PLCD1: variants seen among roughly 807,000 people sequenced by gnomAD.
PLCD1 encodes phospholipase C delta 1, also known as 1-phosphatidylinositol 4,5-bisphosphate phosphodiesterase delta-1.
Under a neutral mutation model 87.4 loss-of-function variants are expected in PLCD1, and 71 were observed. The observed-to-expected ratio is 0.81, with a 90% confidence interval of 0.67 to 0.99. The LOEUF is 0.99. Among genes scored for constraint, PLCD1 ranks in the 50% least tolerant of loss-of-function variants. The pLI is 0.00. For synonymous variants in PLCD1, 348 were observed against 399.2 expected, an observed-to-expected ratio of 0.87 and a Z score of 1.53; for missense variants, 867 against 1,001.5, an observed-to-expected ratio of 0.87 and a Z score of 1.81.
In PLCD1 at chr3:38,029,541, C is replaced by T; in HGVS notation, c.-2G>A. On this transcript the variant is annotated 5_prime_UTR_variant, in exon 1 of 15. Coordinates refer to ENST00000334661, the MANE Select transcript of PLCD1 (RefSeq NM_006225.4). ...CAGGAAGTCCCGGCCCGAGTCCATG[C>T]CCGACGGGCGGCGCGGCGGGAGGGG... is the stretch of plus-strand genomic sequence containing the variant. 1 of 1,537,816 alleles carries T rather than the reference C, an allele frequency of 6.5e-7. No homozygotes were observed. The highest frequency in any genetic ancestry group is 8.7e-7 in the Non-Finnish European group (1 of 1,146,314).
At chr3:38,009,841 A>G (rs374140722) in intron 8 of PLCD1, 30 bp from the exon 9 acceptor site, 4 of 1,612,962 alleles carry the variant, frequency 2.5e-6, no homozygotes, top group Non-Finnish European at 3.4e-6. Flanking sequence ...TGGTCAAGAC[A>G]CACCTAGCGC....
chr3:38,024,543 C>T, intron 1 of PLCD1: 1 of 1,512,824 alleles, frequency 6.6e-7, no homozygotes, highest in Non-Finnish European at 8.9e-7. Flanking sequence ...GGAACTGTCG[C>T]CCTTGGAGGG....
At chr3:38,009,525 A>T in intron 9 of PLCD1, 94 bp from the exon 10 acceptor site, 1 of 1,555,940 alleles carries the variant, frequency 6.4e-7, no homozygotes, top group Non-Finnish European at 8.9e-7. Context: ...AGACAGAGGG[A>T]GACAGACAGA....
chr3:38,015,698 T>C (rs900355896), intron 3 of PLCD1, among the ~76,000 whole-genome samples: 24 of 152,202 alleles, frequency 1.6e-4, no homozygotes, highest in African/African-American at 5.6e-4. Flanking sequence ...AGTGTGTCAT[T>C]GTGTAACTAA....
rs1250863183 is a variant in PLCD1, at chr3:38,018,231, C to T, written c.200-1512G>A. 2.6e-5 allele frequency among the ~76,000 whole-genome samples: 4 copies of T among 152,196 alleles called. No individual in the cohort carries two copies. Among genetic ancestry groups the T allele is most frequent in the African/African-American group, 9.7e-5 (4 of 41,446 alleles). On this transcript the variant is annotated intron_variant, in intron 2 of 14. Transcript: ENST00000334661. The surrounding 1 kb of genome is among the most constrained non-coding windows in gnomAD (Gnocchi z 5.7). ...AAAGAGCAATTGAAGACAACAGTCT[C>T]ACCACTCACCCAGAGAAGGGAGGCA...
chr3:38,020,406 C>T lies in PLCD1; in HGVS notation c.35-54G>A. The T allele has an allele frequency of 1.9e-6, 3 of 1,545,918 alleles. 1 individual carries two copies. In the Admixed American group the frequency reaches 5.0e-5, roughly 26 times the overall value. ...CTTCTCCACTAGTTTCCCTGATGCC[C>T]TAGGCCTCACACTGGCCATGCCCAC... On this transcript the variant is annotated intron_variant, in intron 1 of 14. Coordinates refer to ENST00000334661, the MANE Select transcript of PLCD1 (RefSeq NM_006225.4).
chr3:38,018,477 A>G lies in PLCD1; in HGVS notation c.199+1711T>C, dbSNP rs1176681500. 6.6e-6 allele frequency among the ~76,000 whole-genome samples: 1 copy of G among 151,966 alleles called. No individual in the cohort carries two copies. Among genetic ancestry groups the G allele is most frequent in the Non-Finnish European group, 1.5e-5 (1 of 67,968 alleles). On this transcript the variant is annotated intron_variant, in intron 2 of 14. Transcript: ENST00000334661. This position sits in a 1 kb window ranked among gnomAD's most constrained non-coding sequence, Gnocchi z 5.7. Reference sequence around the variant, plus strand: ...GCTCACACTGGGCCTCCTGCCTGCAATGTCCTTCCTGCCCATCTGCTCACA... The same window carrying G: ...GCTCACACTGGGCCTCCTGCCTGCAGTGTCCTTCCTGCCCATCTGCTCACA...
chr3:38,012,032 T>TTTC (rs1700086781), intron 3 of PLCD1, among the ~76,000 whole-genome samples: 1 of 89,106 alleles, frequency 1.1e-5, no homozygotes, highest in Admixed American at 9.2e-5. Flanking sequence ...TTTCCTTTTC[T>TTTC]TTTTTTTTTT....
rs759212729 is a variant in PLCD1 at position 38,009,166 on chromosome 3, G to A, written c.1607-8C>T. The A allele has an allele frequency of 3.7e-5, 60 of 1,613,772 alleles. No individual in the cohort carries two copies. Among genetic ancestry groups the A allele is most frequent in the Non-Finnish European group, 5.0e-5 (59 of 1,179,760 alleles). Reference sequence around the variant, plus strand: ...GGCGGACAAAGCCGTTTCCTGAGGGGAGGTGTGGTTCGGTCAGCAGTGGAG... The same window carrying A: ...GGCGGACAAAGCCGTTTCCTGAGGGAAGGTGTGGTTCGGTCAGCAGTGGAG... On this transcript the variant is annotated splice_region_variant and splice_polypyrimidine_tract_variant and intron_variant, in intron 10 of 14. Transcript: ENST00000334661.
At chr3:38,009,851 C>G (rs1197119452) in intron 8 of PLCD1, 40 bp from the exon 9 acceptor site, 2 of 1,610,886 alleles carry the variant, frequency 1.2e-6, no homozygotes, top group South Asian at 2.2e-5. Context: ...ACACCTAGCG[C>G]CCCGGCTAGG....
intron 3 of PLCD1, chr3:38,014,691 A>C (rs890492291): frequency 1.3e-5 from 2 of 153,448 alleles, no homozygotes; most frequent in Non-Finnish European, 2.9e-5. Flanking sequence ...AGAAAGAGAA[A>C]AGACAACCCA....
rs549213637 is a variant in PLCD1 at position 38,007,864 on chromosome 3, G to A, written c.2186-6C>T. 1 of 1,613,140 alleles carries A rather than the reference G, an allele frequency of 6.2e-7. No individual in the cohort carries two copies. Among genetic ancestry groups the A allele is most frequent in the Non-Finnish European group, 8.5e-7 (1 of 1,179,140 alleles). On this transcript the variant is annotated splice_region_variant and splice_polypyrimidine_tract_variant and intron_variant, in intron 14 of 14. Transcript: ENST00000334661. ...GAGGTGGACATGGCGGTATCCTGGT[G>A]GGTGGACAGGCAGGAGGGAACACAG...
chr3:38,029,490 C>T lies in PLCD1; in HGVS notation c.34+16G>A. The T allele has an allele frequency of 6.5e-7, 1 of 1,538,868 alleles. No homozygotes were observed. Among genetic ancestry groups the T allele is most frequent in the Non-Finnish European group, 8.7e-7 (1 of 1,145,950 alleles). ...ACCCCTGCAGGGTCTCCCGCTCGCG[C>T]GGGCCAGGCACTCACCGTGCAGGGT... On this transcript the variant is annotated intron_variant, in intron 1 of 14. Coordinates refer to ENST00000334661, the MANE Select transcript of PLCD1 (RefSeq NM_006225.4).
rs374777348 is a variant in PLCD1 at position 38,016,676 on chromosome 3, C to T, written c.243G>A (p.Thr81=). The T allele has an allele frequency of 4.9e-5, 77 of 1,579,966 alleles. No homozygotes were observed. Among genetic ancestry groups the T allele is most frequent in the Non-Finnish European group, 5.9e-5 (68 of 1,162,210 alleles). ...CACGGGCGAACTTCTCCAGACCCTC[C>T]GTGCGGTGCCCCATTCGCACCTCCT... ...DIQEVRMGHR[T]EGLEKFARDV... is the part of the protein sequence containing the mutation. The change falls in exon 3 of 15, where the codon ACG becomes ACA. Residue 81 remains threonine (T), a synonymous_variant. Transcript: ENST00000334661.
In PLCD1 at chr3:38,016,542, T is replaced by C. The variant is rs753818869; in HGVS notation, c.377A>G (p.His126Arg). The C allele has an allele frequency of 1.5e-5, 25 of 1,613,946 alleles. No homozygotes were observed. The Admixed American group carries it at 2.5e-4, about 16-fold the overall frequency. Reference protein sequence around the residue: ...ADAQHWVLGLHKIIHHSGSMD... With the variant: ...ADAQHWVLGLRKIIHHSGSMD... ...GGAGCCTGAGTGGTGGATGATCTTG[T>C]GCAGCCCCAGCACCCAGTGCTGGGC... The change falls in exon 3 of 15, where the codon CAC becomes CGC. Residue 126 changes from histidine to arginine, a missense_variant. Coordinates refer to ENST00000334661, the MANE Select transcript of PLCD1 (RefSeq NM_006225.4).
At chr3:38,008,796 C>G (rs1436099276) in intron 11 of PLCD1, 160 bp from the exon 12 acceptor site, 5 of 709,732 alleles carry the variant, frequency 7.0e-6, no homozygotes, top group Non-Finnish European at 1.2e-5. Flanking sequence ...AGTGACCCAC[C>G]ATGCTAACCA....
chr3:38,016,231 A>G (rs1242336298), intron 3 of PLCD1, among the ~76,000 whole-genome samples: 1 of 152,204 alleles, frequency 6.6e-6, no homozygotes, highest in East Asian at 1.9e-4. Context: ...TCTCCCCACC[A>G]TGTGAGGACA....
intron 1 of PLCD1, among the ~76,000 whole-genome samples, chr3:38,020,817 G>T (rs1388849449): frequency 6.6e-6 from 1 of 152,170 alleles, no homozygotes; most frequent in Non-Finnish European, 1.5e-5. Context: ...GAGATAAAAG[G>T]GGGACAGACA....
At chr3:38,021,259 C>T (rs914165414) in intron 1 of PLCD1, among the ~76,000 whole-genome samples, 2 of 152,184 alleles carry the variant, frequency 1.3e-5, no homozygotes, top group African/African-American at 2.4e-5. Flanking sequence ...CCCTGTCCTT[C>T]GCTGCCCCAG....
Sources: allele counts gnomAD v4.1 joint callset (sites outside exome capture counted in the v4.1 genomes callset), GRCh38; gene constraint gnomAD v4.1.1; non-coding constraint Gnocchi (gnomAD v3.1); transcripts MANE v1.5; gene names NCBI Gene and HGNC (gene_info 2026-07-23, HGNC 2026-07-21).